ATAD2B: variants seen among roughly 807,000 people sequenced by gnomAD.
ATAD2B encodes the protein ATPase family AAA domain containing 2B.
A neutral mutation model predicts 167.6 loss-of-function variants in ATAD2B; 40 were observed. The observed-to-expected ratio is 0.24, with a 90% CI of 0.19 to 0.31. ATAD2B has a LOEUF of 0.31. Among genes scored for constraint, ATAD2B ranks in the 10% least tolerant of loss-of-function variants. The pLI, the probability that ATAD2B is intolerant of heterozygous loss-of-function variation, is 1.00. For synonymous variants in ATAD2B, 579 were observed against 596.5 expected (o/e 0.97, Z 0.43); for missense variants, 1,242 against 1,757.2 (o/e 0.71, Z 5.24).
chr2:23,688,548 T>C, the ATAD2B span, among the ~76,000 whole-genome samples: 2 of 152,108 alleles, frequency 1.3e-5, no homozygotes, highest in Non-Finnish European at 2.9e-5. Flanking sequence ...GGCCTAGCCA[T>C]TCCTCTGCTG....
intron 8 of ATAD2B, chr2:23,872,385 C>T: frequency 1.5e-6 from 1 of 682,518 alleles, no homozygotes; most frequent in South Asian, 1.4e-5. Flanking sequence ...TCGGCAGGTT[C>T]AGCTCCATGA....
At chr2:23,917,390 T>TA (rs1390450261) in intron 1 of ATAD2B, among the ~76,000 whole-genome samples, 1 of 152,228 alleles carries the variant, frequency 6.6e-6, no homozygotes, top group Non-Finnish European at 1.5e-5. Context: ...TCTTCACATA[T>TA]AAATATGCTA....
At chr2:23,913,494 G>C (rs1243076442) in intron 1 of ATAD2B, among the ~76,000 whole-genome samples, 1 of 152,086 alleles carries the variant, frequency 6.6e-6, no homozygotes, top group East Asian at 1.9e-4. Context: ...ACAAAAATTA[G>C]CTGGGCGTGG....
At position 23,786,151 on chromosome 2, in the gene ATAD2B, C is replaced by T. The variant is rs1680774689; in HGVS notation, c.2849G>A (p.Ser950Asn). Residue 950 changes from serine (S) to asparagine (N), a missense_variant, in exon 21 of 28, where the codon AGT (serine) becomes AAT (asparagine). Ser to Asn is a conservative substitution (Grantham distance 46). Coordinates refer to ENST00000238789, the MANE Select transcript of ATAD2B (RefSeq NM_017552.4). ...ATTTTCCTCCTGGTCCTCCATTCGACTTTTTTCTGATTCTGATAATTGACG... is the reference window on the plus strand; with the variant it reads ...ATTTTCCTCCTGGTCCTCCATTCGATTTTTTTCTGATTCTGATAATTGACG... The part of the protein sequence containing the change: ...PPRQLSESEK[S>N]RMEDQEENTL... 6.2e-7 allele frequency: 1 copy of T among 1,602,874 alleles called. No individual in the cohort carries two copies. Among genetic ancestry groups the T allele is most frequent in the Non-Finnish European group, 8.5e-7 (1 of 1,174,398 alleles).
chr2:23,878,715 T>C (rs1160060578), intron 7 of ATAD2B, among the ~76,000 whole-genome samples: 2 of 151,742 alleles, frequency 1.3e-5, no homozygotes, highest in African/African-American at 4.8e-5. Flanking sequence ...CAAAAGATAC[T>C]ATTGAGAGAA....
chr2:23,705,291 G>T, the ATAD2B span, among the ~76,000 whole-genome samples: 1 of 152,308 alleles, frequency 6.6e-6, no homozygotes, highest in African/African-American at 2.4e-5. Flanking sequence ...AGGAGTTCAA[G>T]ACCAGCCTGA....
At position 23,864,850 on chromosome 2, in the gene ATAD2B, TA is replaced by T; in HGVS notation, c.1262del (p.Leu421TyrfsTer34). ...ALKEMVVFPL[L>X]YPEIFEKFKI... The stretch of plus-strand genomic sequence containing the variant: ...TAAACTTTTCAAAAATTTCTGGATA[TA>T]AAAGTGGGAATACTACCATTTCCTT... On this transcript the variant is annotated frameshift_variant, in exon 11 of 28. Coordinates refer to ENST00000238789, the MANE Select transcript of ATAD2B (RefSeq NM_017552.4). LOFTEE classifies it high-confidence loss of function. 6.3e-7 allele frequency: 1 copy of T among 1,596,058 alleles called. No individual in the cohort carries two copies. Among genetic ancestry groups the T allele is most frequent in the Non-Finnish European group, 8.5e-7 (1 of 1,171,102 alleles).
chr2:23,780,925 A>G (rs1309927080), intron 22 of ATAD2B, among the ~76,000 whole-genome samples: 1 of 152,176 alleles, frequency 6.6e-6, no homozygotes, highest in Non-Finnish European at 1.5e-5. Context: ...AACAAAGCAC[A>G]AATTATACTC....
intron 12 of ATAD2B, among the ~76,000 whole-genome samples, chr2:23,857,899 G>A (rs1354199475): frequency 3.4e-5 from 5 of 148,638 alleles, no homozygotes; most frequent in East Asian, 4.1e-4. Flanking sequence ...ACACCACCAC[G>A]CCCGGCTAAT....
At chr2:23,709,792 G>C in the ATAD2B span, among the ~76,000 whole-genome samples, 1 of 152,188 alleles carries the variant, frequency 6.6e-6, no homozygotes, top group Non-Finnish European at 1.5e-5. Flanking sequence ...CGAATGTCTA[G>C]AGGATGCCAA....
chr2:23,693,058 G>A, the ATAD2B span, among the ~76,000 whole-genome samples: 4 of 152,142 alleles, frequency 2.6e-5, no homozygotes, highest in Admixed American at 2.6e-4. Context: ...GGAGGCCCCT[G>A]GGAGTCAGCA....
chr2:23,703,815 G>A, the ATAD2B span: 39 of 1,537,406 alleles, frequency 2.5e-5, no homozygotes, highest in Middle Eastern at 1.7e-4. Context: ...CCTGAGAAAG[G>A]AAACATTAAG....
At chr2:23,768,682 G>A (rs1433240753) in intron 22 of ATAD2B, among the ~76,000 whole-genome samples, 1 of 151,996 alleles carries the variant, frequency 6.6e-6, no homozygotes, top group Non-Finnish European at 1.5e-5. Flanking sequence ...AAGCAATGAA[G>A]GATCTGCTTT....
chr2:23,781,067 G>C (rs930424672), intron 22 of ATAD2B, among the ~76,000 whole-genome samples: 6 of 151,998 alleles, frequency 3.9e-5, no homozygotes, highest in Non-Finnish European at 8.8e-5. Context: ...TGACAGCCAG[G>C]AGTTGGCCTG....
At chr2:23,724,278 C>CA in the ATAD2B span, among the ~76,000 whole-genome samples, 1 of 151,334 alleles carries the variant, frequency 6.6e-6, no homozygotes, top group Admixed American at 6.6e-5. Context: ...TGAATGTTCC[C>CA]AAAACAAAAA....
downstream of ATAD2B, among the ~76,000 whole-genome samples, chr2:23,745,383 A>G (rs1181127644): frequency 1.1e-5 from 1 of 91,272 alleles, no homozygotes; most frequent in African/African-American, 4.1e-5. Context: ...GAAGGAAGGA[A>G]GGAAGGAAGG....
chr2:23,908,564 T>C (rs1367954853), intron 1 of ATAD2B, among the ~76,000 whole-genome samples: 4 of 152,276 alleles, frequency 2.6e-5, no homozygotes, highest in Middle Eastern at 6.8e-3. Flanking sequence ...TCAACCCTTG[T>C]GGAAGTCAGT....
At chr2:23,710,664 G>A in the ATAD2B span, among the ~76,000 whole-genome samples, 16 of 152,190 alleles carry the variant, frequency 1.1e-4, no homozygotes, top group South Asian at 2.9e-3. Flanking sequence ...TCAACCAACC[G>A]TGCATGGAAA....
intron 8 of ATAD2B, chr2:23,872,207 A>C: frequency 3.1e-6 from 1 of 326,218 alleles, no homozygotes; most frequent in Non-Finnish European, 6.0e-6. Flanking sequence ...TTTTAGATAG[A>C]AGGTCTCACT....
Sources: gnomAD v4.1 joint callset for allele counts (sites outside exome capture counted in the v4.1 genomes callset) on GRCh38, gnomAD v4.1.1 for gene constraint, MANE v1.5 for transcripts, NCBI Gene and HGNC (gene_info 2026-07-23, HGNC 2026-07-21) for gene names.